KRCC1: variants seen among roughly 807,000 people sequenced by gnomAD.
KRCC1 encodes lysine-rich coiled-coil protein 1.
A neutral mutation model predicts 7.4 loss-of-function variants in KRCC1; 3 were observed. That is an observed-to-expected ratio of 0.40 (90% confidence interval 0.18 to 1.04). The LOEUF (loss-of-function observed/expected upper bound fraction) is 1.04. KRCC1 is among the 50% of genes least tolerant of loss of function. KRCC1 has a pLI of 0.33. For missense variants in KRCC1, 277 were observed against 300.9 expected, an observed-to-expected ratio of 0.92 and a Z score of 0.59; for synonymous variants, 102 against 101.6, an observed-to-expected ratio of 1.00 and a Z score of -0.02.
intron 1 of KRCC1, among the ~76,000 whole-genome samples, chr2:88,041,693 A>G (rs1229859120): frequency 6.6e-6 from 1 of 152,198 alleles, no homozygotes; most frequent in Non-Finnish European, 1.5e-5. Flanking sequence ...TTTCCTCAGA[A>G]AATTTTGACA....
chr2:88,051,656 T>C (rs1372395301), intron 1 of KRCC1, among the ~76,000 whole-genome samples: 3 of 152,242 alleles, frequency 2.0e-5, no homozygotes, highest in African/African-American at 4.8e-5. Context: ...GTAACAATTA[T>C]ATTGTTTTTG....
At chr2:88,038,883 A>G (rs555992016) in intron 1 of KRCC1, among the ~76,000 whole-genome samples, 5 of 152,252 alleles carry the variant, frequency 3.3e-5, no homozygotes, top group African/African-American at 1.2e-4. Context: ...TGACATGTGG[A>G]GATTATGGGG....
chr2:88,049,632 G>A (rs528784091), intron 1 of KRCC1, among the ~76,000 whole-genome samples: 5 of 152,272 alleles, frequency 3.3e-5, no homozygotes, highest in East Asian at 1.9e-4. Flanking sequence ...CTGGGCAATC[G>A]GAGTGAGACC....
At position 88,028,079 on chromosome 2, in the gene KRCC1, C is replaced by T. The variant is rs938682717; in HGVS notation, c.485G>A (p.Arg162Lys). 3.7e-6 allele frequency: 6 copies of T among 1,613,980 alleles called. No individual in the cohort carries two copies. The African/African-American group carries it at 5.3e-5, about 14-fold the overall frequency. The change falls in exon 4 of 4, where the codon AGG becomes AAG. Residue 162 changes from arginine (R) to lysine (K), a missense_variant. Arg to Lys is a conservative substitution (Grantham distance 26, BLOSUM62 2). Transcript: ENST00000347055. ...TTTTTCTCTGCCTTCCTCTGGGTGC[C>T]TTTTCCTCTTCTGATGTATCTGTTT... ...SHKQIHQKRK[R>K]HPEEGREKSE...
intron 3 of KRCC1, among the ~76,000 whole-genome samples, chr2:88,032,929 C>T (rs2104606427): frequency 6.6e-6 from 1 of 151,978 alleles, no homozygotes; most frequent in East Asian, 2.0e-4. Flanking sequence ...AGCAAGAACC[C>T]ATTTCTAAAA....
chr2:88,055,167 C>T (rs1161767384), intron 1 of KRCC1, among the ~76,000 whole-genome samples: 1 of 151,714 alleles, frequency 6.6e-6, no homozygotes, highest in Non-Finnish European at 1.5e-5. Flanking sequence ...TTCCTAAATC[C>T]ACCTCTCCCT....
chr2:88,054,865 A>C (rs1012191941), intron 1 of KRCC1, among the ~76,000 whole-genome samples: 3 of 152,164 alleles, frequency 2.0e-5, no homozygotes, highest in Non-Finnish European at 4.4e-5. Flanking sequence ...GCTACTCCGG[A>C]GGCTGAGGCA....
chr2:88,039,954 C>T (rs1420841468), intron 1 of KRCC1, among the ~76,000 whole-genome samples: 1 of 151,576 alleles, frequency 6.6e-6, no homozygotes, highest in Non-Finnish European at 1.5e-5. Flanking sequence ...TGCTTGAGAC[C>T]AGGAGTTTGA....
chr2:88,027,698 G>A lies in KRCC1; in HGVS notation c.*86C>T, dbSNP rs773172174. 162 of 1,204,824 alleles carry A rather than the reference G, an allele frequency of 1.3e-4. No homozygotes were observed. The highest frequency in any genetic ancestry group is 1.4e-4 in the Non-Finnish European group (119 of 861,918). The allele number at this position is 1,204,824 out of a possible 1,614,324, so 74.6% of individuals were successfully genotyped here. A position where few individuals can be genotyped will look rare whatever the true frequency, so the allele number is the denominator to read the frequency against. ...GAAGTTAAAGAACCTATTCACATAA[G>A]AAAAGTGGTATGAACACGGATATCA... is the stretch of plus-strand genomic sequence containing the variant. On this transcript the variant is annotated 3_prime_UTR_variant, in exon 4 of 4. Transcript: ENST00000347055.
intron 1 of KRCC1, among the ~76,000 whole-genome samples, chr2:88,048,657 A>G (rs1471924600): frequency 6.6e-6 from 1 of 152,202 alleles, no homozygotes; most frequent in East Asian, 1.9e-4. Context: ...ATTTCTTGCC[A>G]ATCTGTAAAC....
chr2:88,036,891 C>T (rs1673101824), intron 2 of KRCC1, 52 bp downstream of exon 2: 2 of 152,160 alleles, frequency 1.3e-5, no homozygotes, highest in South Asian at 4.1e-4. Context: ...GAAGTTTACC[C>T]ACTACATTTA....
chr2:88,028,036 A>G lies in KRCC1; in HGVS notation c.528T>C (p.Ser176=). The G allele has an allele frequency of 6.2e-7, 1 of 1,613,780 alleles. No individual in the cohort carries two copies. The highest frequency in any genetic ancestry group is 1.1e-5 in the South Asian group (1 of 91,070). Residue 176 remains serine, a synonymous_variant, in exon 4 of 4, where the codon TCT becomes TCC. Coordinates refer to ENST00000347055, the MANE Select transcript of KRCC1 (RefSeq NM_016618.3). Reference sequence around the variant, plus strand: ...CGCAGCTTTTTTTTCTCTTATGCTTAGACCGCTCCTCCTCTGATTTTTCTC... The same window carrying G: ...CGCAGCTTTTTTTTCTCTTATGCTTGGACCGCTCCTCCTCTGATTTTTCTC... ...EGREKSEEER[S]KHKRKKSCEE...
At chr2:88,053,036 T>C (rs1673531146) in intron 1 of KRCC1, among the ~76,000 whole-genome samples, 1 of 152,132 alleles carries the variant, frequency 6.6e-6, no homozygotes, top group African/African-American at 2.4e-5. Context: ...GGATTCTGTC[T>C]CTTGGAATTA....
chr2:88,054,891 C>T (rs887847710), intron 1 of KRCC1, among the ~76,000 whole-genome samples: 7 of 152,238 alleles, frequency 4.6e-5, no homozygotes, highest in Admixed American at 3.3e-4. Flanking sequence ...ATCGCTTAAG[C>T]CCAGGAGCTG....
intron 1 of KRCC1, among the ~76,000 whole-genome samples, chr2:88,047,567 C>A (rs577674432): frequency 8.5e-5 from 13 of 152,144 alleles, no homozygotes; most frequent in Non-Finnish European, 1.6e-4. Flanking sequence ...GTCTCACTGT[C>A]TCCCAGGCTA....
chr2:88,040,915 T>C (rs1673198129), intron 1 of KRCC1, among the ~76,000 whole-genome samples: 1 of 152,132 alleles, frequency 6.6e-6, no homozygotes, highest in Non-Finnish European at 1.5e-5. Context: ...GAAAGGGTAT[T>C]CTGGAGGACA....
chr2:88,044,802 C>T (rs1352220611), intron 1 of KRCC1, among the ~76,000 whole-genome samples: 4 of 151,574 alleles, frequency 2.6e-5, no homozygotes, highest in Non-Finnish European at 4.4e-5. Flanking sequence ...ATAACTAGAA[C>T]TCCCATACAT....
chr2:88,046,394 T>C (rs1458565867), intron 1 of KRCC1, among the ~76,000 whole-genome samples: 1 of 152,216 alleles, frequency 6.6e-6, no homozygotes, highest in Non-Finnish European at 1.5e-5. Flanking sequence ...GAAGAATGCA[T>C]GGAACAAGGT....
intron 2 of KRCC1, among the ~76,000 whole-genome samples, chr2:88,036,368 G>C (rs1673090336): frequency 6.6e-6 from 1 of 152,170 alleles, no homozygotes; most frequent in Non-Finnish European, 1.5e-5. Context: ...ACACTGGACA[G>C]GGAATCAGAT....
Sources: allele counts gnomAD v4.1 joint callset (sites outside exome capture counted in the v4.1 genomes callset), GRCh38; gene constraint gnomAD v4.1.1; transcripts MANE v1.5; gene names NCBI Gene and HGNC (gene_info 2026-07-23, HGNC 2026-07-21).